The following GLIS3 variants were observed in gnomAD, a reference collection of about 807,000 sequenced individuals.
GLIS3 encodes the protein zinc finger protein GLIS3.
In GLIS3, 53 loss-of-function variants were observed where a neutral mutation model predicts 78.6. The observed-to-expected ratio is 0.67, with a 90% confidence interval of 0.54 to 0.85. The LOEUF is 0.85. Ranked by LOEUF, GLIS3 falls within the 40% of genes least tolerant of loss-of-function variation. The pLI is 0.00. For synonymous variants in GLIS3, 684 were observed against 509.9 expected, an observed-to-expected ratio of 1.34 and a Z score of -4.60; for missense variants, 1,703 against 1,231.1, an observed-to-expected ratio of 1.38 and a Z score of -5.74.
chr9:3,845,493 T>C (rs1348922244), intron 9 of GLIS3, among the ~76,000 whole-genome samples: 2 of 152,178 alleles, frequency 1.3e-5, no homozygotes, highest in African/African-American at 2.4e-5. Flanking sequence ...GGGAGGGGAC[T>C]TAAACTATAA....
chr9:3,858,021 T>C (rs1212174277), intron 8 of GLIS3, among the ~76,000 whole-genome samples: 2 of 152,154 alleles, frequency 1.3e-5, no homozygotes, highest in Non-Finnish European at 2.9e-5. Context: ...TCCCCAGAGA[T>C]GGAGGCGGGA....
intron 4 of GLIS3, among the ~76,000 whole-genome samples, chr9:4,055,378 G>A (rs929717586): frequency 6.6e-6 from 1 of 152,076 alleles, no homozygotes; most frequent in Non-Finnish European, 1.5e-5. Flanking sequence ...ATTTTTCTAT[G>A]TCCCTCAGTA....
At chr9:4,356,111 T>C in the GLIS3 span, among the ~76,000 whole-genome samples, 173 of 152,338 alleles carry the variant, frequency 1.1e-3, 1 homozygote, top group African/African-American at 4.0e-3. Flanking sequence ...TCGACTCTCT[T>C]TGCTTTACCT....
At chr9:4,193,910 G>C (rs566752621) in intron 2 of GLIS3, among the ~76,000 whole-genome samples, 5 of 152,344 alleles carry the variant, frequency 3.3e-5, no homozygotes, top group African/African-American at 1.2e-4. Flanking sequence ...TGAACATTTT[G>C]ACCAATCATG....
chr9:4,261,925 C>T (rs1587203044), intron 2 of GLIS3, among the ~76,000 whole-genome samples: 1 of 152,198 alleles, frequency 6.6e-6, no homozygotes, highest in African/African-American at 2.4e-5. Flanking sequence ...GTAATACTGT[C>T]TCCAAAGAGG....
At chr9:3,867,209 A>G (rs1820643281) in intron 8 of GLIS3, among the ~76,000 whole-genome samples, 1 of 152,242 alleles carries the variant, frequency 6.6e-6, no homozygotes, top group South Asian at 2.1e-4. Flanking sequence ...AGGTCGGGGA[A>G]GCCAGTTTAG....
intron 2 of GLIS3, among the ~76,000 whole-genome samples, chr9:4,268,506 G>T (rs13286364): frequency 6.6e-6 from 1 of 152,028 alleles, no homozygotes; most frequent in Non-Finnish European, 1.5e-5. Flanking sequence ...GATATAGAGC[G>T]TTCTGAAAGG....
chr9:3,984,318 C>T (rs116606652), intron 4 of GLIS3, among the ~76,000 whole-genome samples: 162 of 152,354 alleles, frequency 1.1e-3, no homozygotes, highest in African/African-American at 3.7e-3. Flanking sequence ...CGCAAAGCCA[C>T]GGGCAGAGCT....
chr9:4,361,866 G>A, the GLIS3 span, among the ~76,000 whole-genome samples: 1 of 152,194 alleles, frequency 6.6e-6, no homozygotes. Context: ...CAATGGTAAA[G>A]GGAGGGACCT....
At chr9:4,289,786 G>A (rs1015251808) in intron 1 of GLIS3, among the ~76,000 whole-genome samples, 3 of 152,106 alleles carry the variant, frequency 2.0e-5, no homozygotes, top group Non-Finnish European at 4.4e-5. Flanking sequence ...CAATGAAAAT[G>A]TTCATTCTGC....
At chr9:4,396,480 C>T in the GLIS3 span, among the ~76,000 whole-genome samples, 1 of 152,168 alleles carries the variant, frequency 6.6e-6, no homozygotes, top group Non-Finnish European at 1.5e-5. Flanking sequence ...TCTAACTGGA[C>T]TTCACTATTT....
intron 2 of GLIS3, among the ~76,000 whole-genome samples, chr9:4,206,844 T>C (rs1458750691): frequency 6.6e-6 from 1 of 152,260 alleles, no homozygotes; most frequent in African/African-American, 2.4e-5. Flanking sequence ...AACTGAGAGA[T>C]TAACATAGTT....
the GLIS3 span, among the ~76,000 whole-genome samples, chr9:4,385,571 C>A: frequency 8.4e-4 from 126 of 149,396 alleles, no homozygotes; most frequent in Middle Eastern, 3.5e-3. Context: ...AGGCCGAGGC[C>A]GGAGAAATGC....
chr9:3,837,595 G>T (rs891225735), intron 9 of GLIS3, among the ~76,000 whole-genome samples: 1 of 152,144 alleles, frequency 6.6e-6, no homozygotes, highest in Non-Finnish European at 1.5e-5. Context: ...GCACTAAAAA[G>T]AAATGACCTA....
the GLIS3 span, among the ~76,000 whole-genome samples, chr9:4,402,261 G>C: frequency 3.9e-5 from 6 of 152,194 alleles, no homozygotes; most frequent in African/African-American, 1.4e-4. Flanking sequence ...AGACCACCAA[G>C]GTGGTACCTC....
chr9:3,881,895 C>T (rs1177542629), intron 7 of GLIS3, among the ~76,000 whole-genome samples: 1 of 152,152 alleles, frequency 6.6e-6, no homozygotes, highest in East Asian at 1.9e-4. Flanking sequence ...CATTTGTGGC[C>T]CCACAATGCA....
At chr9:4,312,349 T>C (rs1817376616) in intron 2 of GLIS3, among the ~76,000 whole-genome samples, 1 of 152,118 alleles carries the variant, frequency 6.6e-6, no homozygotes, top group Admixed American at 6.5e-5. Context: ...ACACCTGTAA[T>C]CCCAGCTACT....
At chr9:3,942,056 A>G (rs576294356) in intron 4 of GLIS3, among the ~76,000 whole-genome samples, 3 of 152,288 alleles carry the variant, frequency 2.0e-5, no homozygotes, top group South Asian at 2.1e-4. Flanking sequence ...TGTGTAACCA[A>G]TAATTAAGTA....
chr9:4,364,756 C>CTATTTTTTTTTT, the GLIS3 span, among the ~76,000 whole-genome samples: 1 of 61,080 alleles, frequency 1.6e-5, no homozygotes, highest in Non-Finnish European at 2.9e-5. Context: ...TCATGTATTG[C>CTATTTTTTTTTT]TTTTTTTTTT....
Sources: gnomAD v4.1 joint callset for allele counts (sites outside exome capture counted in the v4.1 genomes callset) on GRCh38, gnomAD v4.1.1 for gene constraint, MANE v1.5 for transcripts, NCBI Gene and HGNC (gene_info 2026-07-23, HGNC 2026-07-21) for gene names.